The following CDH12 variants were observed in gnomAD, a reference collection of about 807,000 sequenced individuals.
CDH12 encodes cadherin-12.
Under a neutral mutation model 74.1 loss-of-function variants are expected in CDH12, and 41 were observed. That is an observed-to-expected ratio of 0.55 (90% confidence interval 0.43 to 0.72). The LOEUF (loss-of-function observed/expected upper bound fraction) is 0.72. Ranked by LOEUF, CDH12 falls within the 30% of genes least tolerant of loss-of-function variation. The probability of loss-of-function intolerance (pLI) is 0.00; values close to 1 mark genes in which losing one functional copy is unlikely to be tolerated. For missense variants in CDH12, 945 were observed against 977.2 expected (o/e 0.97, Z 0.44); for synonymous variants, 399 against 355.0 (o/e 1.12, Z -1.39).
At chr5:22,233,482 A>G (rs1347052112) in intron 3 of CDH12, among the ~76,000 whole-genome samples, 2 of 152,048 alleles carry the variant, frequency 1.3e-5, no homozygotes, top group East Asian at 3.9e-4. Flanking sequence ...TTGTCCAGTA[A>G]ACTGGAAGCA....
chr5:22,262,847 T>G (rs1326431908), intron 3 of CDH12, among the ~76,000 whole-genome samples: 1 of 151,994 alleles, frequency 6.6e-6, no homozygotes, highest in Non-Finnish European at 1.5e-5. Flanking sequence ...GGGATCTAAT[T>G]AAAATAAAGA....
At chr5:22,298,828 T>C (rs1026055617) in intron 3 of CDH12, among the ~76,000 whole-genome samples, 2 of 152,188 alleles carry the variant, frequency 1.3e-5, no homozygotes, top group African/African-American at 4.8e-5. Context: ...AATAGATCAA[T>C]GCACACTCTT....
chr5:21,804,646 ACACACACACACAC>A (rs1561199478), intron 9 of CDH12, among the ~76,000 whole-genome samples: 1,998 of 91,404 alleles, frequency 0.022, 79 homozygotes, highest in African/African-American at 0.088. Context: ...GAATTAAAAC[ACACACACACACAC>A]ACACACACAC....
chr5:21,918,387 T>G (rs1754198468), intron 6 of CDH12, among the ~76,000 whole-genome samples: 1 of 152,148 alleles, frequency 6.6e-6, no homozygotes, highest in African/African-American at 2.4e-5. Context: ...ATCCTTTTTT[T>G]TTCAGCAAAG....
chr5:22,781,757 G>A (rs1368553649), intron 1 of CDH12, among the ~76,000 whole-genome samples: 1 of 152,098 alleles, frequency 6.6e-6, no homozygotes, highest in African/African-American at 2.4e-5. Flanking sequence ...AGGGATCCAA[G>A]CTTCTAGGGA....
intron 6 of CDH12, among the ~76,000 whole-genome samples, chr5:21,967,440 A>T (rs538997389): frequency 9.2e-5 from 14 of 152,312 alleles, no homozygotes; most frequent in Non-Finnish European, 1.8e-4. Context: ...GTTTACAACC[A>T]CTTGGAGGCT....
At chr5:22,788,049 A>G (rs1006017034) in intron 1 of CDH12, among the ~76,000 whole-genome samples, 6 of 152,164 alleles carry the variant, frequency 3.9e-5, no homozygotes, top group African/African-American at 1.4e-4. Flanking sequence ...TTTAATGCCA[A>G]CTCAGTGTGT....
In CDH12 at chr5:21,960,737, G is replaced by A. The variant is rs531703240; in HGVS notation, c.526+14354C>T. 2.2e-4 allele frequency among the ~76,000 whole-genome samples: 33 copies of A among 151,306 alleles called. 1 individual carries two copies. In the South Asian group the frequency reaches 5.6e-3, roughly 26 times the overall value. ...CACACACGCACATACACACACACGT[G>A]TGTGTGTGTAGGTATGTCTGTAATA... On this transcript the variant is annotated intron_variant, in intron 6 of 14. Coordinates refer to ENST00000382254, the MANE Select transcript of CDH12 (RefSeq NM_004061.5).
chr5:22,498,100 C>T (rs1286539961), intron 2 of CDH12, among the ~76,000 whole-genome samples: 4 of 152,074 alleles, frequency 2.6e-5, no homozygotes, highest in Admixed American at 6.6e-5. Flanking sequence ...AGCTTTGCTC[C>T]CATATCTATT....
chr5:22,117,941 A>G (rs986640385), intron 4 of CDH12, among the ~76,000 whole-genome samples: 10 of 152,092 alleles, frequency 6.6e-5, no homozygotes, highest in African/African-American at 2.4e-4. Context: ...CATTACTCCT[A>G]TTTTACAGAT....
At chr5:22,518,892 T>C (rs1365789322) in intron 1 of CDH12, among the ~76,000 whole-genome samples, 2 of 152,152 alleles carry the variant, frequency 1.3e-5, no homozygotes, top group East Asian at 3.9e-4. Flanking sequence ...GGTATTACTG[T>C]GCAACTGTCT....
At chr5:22,197,412 A>G (rs1464395768) in intron 4 of CDH12, among the ~76,000 whole-genome samples, 1 of 152,186 alleles carries the variant, frequency 6.6e-6, no homozygotes, top group Admixed American at 6.5e-5. Context: ...CCGCCACTGC[A>G]CTCCAGCCTG....
chr5:22,493,458 TAATA>T (rs1464045916), intron 2 of CDH12, among the ~76,000 whole-genome samples: 1 of 151,964 alleles, frequency 6.6e-6, no homozygotes, highest in African/African-American at 2.4e-5. Context: ...AAAATGAATA[TAATA>T]AATTTAATGC....
chr5:21,930,914 T>C (rs1351165526), intron 6 of CDH12, among the ~76,000 whole-genome samples: 1 of 152,146 alleles, frequency 6.6e-6, no homozygotes, highest in Non-Finnish European at 1.5e-5. Context: ...AGACCCAAAT[T>C]AGTGGATTAT....
At chr5:22,265,288 T>C (rs564965000) in intron 3 of CDH12, among the ~76,000 whole-genome samples, 1 of 152,290 alleles carries the variant, frequency 6.6e-6, no homozygotes, top group South Asian at 2.1e-4. Context: ...TAAGCAGAAA[T>C]TATAGTGACT....
chr5:22,059,286 T>C (rs1423851124), intron 5 of CDH12, among the ~76,000 whole-genome samples: 2 of 151,610 alleles, frequency 1.3e-5, no homozygotes, highest in African/African-American at 4.8e-5. Flanking sequence ...TATCTATCTA[T>C]CTATCTATCA....
rs112228662 is a variant in CDH12, at chr5:22,069,319, G to T, written c.231+9127C>A. Among the ~76,000 whole-genome samples the T allele has an allele frequency of 2.1e-3, 314 of 152,242 alleles. 1 individual carries two copies. The highest frequency in any genetic ancestry group is 7.2e-3 in the African/African-American group (297 of 41,536). ...TTGTGAAGCCTCAGTTACAGTGCTAGATAGGTGCCAATCCCTTGCAGGGCT... is the reference window on the plus strand; with the variant it reads ...TTGTGAAGCCTCAGTTACAGTGCTATATAGGTGCCAATCCCTTGCAGGGCT... On this transcript the variant is annotated intron_variant, in intron 5 of 14. Coordinates refer to ENST00000382254, the MANE Select transcript of CDH12 (RefSeq NM_004061.5).
chr5:22,023,686 G>T (rs901795225), intron 5 of CDH12, among the ~76,000 whole-genome samples: 1 of 152,004 alleles, frequency 6.6e-6, no homozygotes, highest in Non-Finnish European at 1.5e-5. Flanking sequence ...CAAATTTACT[G>T]TAAAGATAAA....
At position 21,840,988 on chromosome 5, in the gene CDH12, A is replaced by G. The variant is rs1284497487; in HGVS notation, c.814+1173T>C. ...TAAAACACCAAAAGCAATGGCAACAAAAGCCAAAATTGACAAATGGGATCT... is the reference window on the plus strand; with the variant it reads ...TAAAACACCAAAAGCAATGGCAACAGAAGCCAAAATTGACAAATGGGATCT... On this transcript the variant is annotated intron_variant, in intron 8 of 14. Coordinates refer to ENST00000382254, the MANE Select transcript of CDH12 (RefSeq NM_004061.5). 4.0e-3 allele frequency among the ~76,000 whole-genome samples: 606 copies of G among 152,008 alleles called. 4 individuals carry two copies. The highest frequency in any genetic ancestry group is 0.014 in the African/African-American group (581 of 41,560).
Sources: gnomAD v4.1 joint callset for allele counts (sites outside exome capture counted in the v4.1 genomes callset) on GRCh38, gnomAD v4.1.1 for gene constraint, MANE v1.5 for transcripts, NCBI Gene and HGNC (gene_info 2026-07-23, HGNC 2026-07-21) for gene names.